Variants in PDE4D observed in about 807,000 individuals in gnomAD.
PDE4D encodes the protein phosphodiesterase 4D.
A neutral mutation model predicts 87.4 loss-of-function variants in PDE4D; 24 were observed. The observed-to-expected ratio is 0.27, with a 90% CI of 0.20 to 0.39. PDE4D has a LOEUF of 0.39. Among genes scored for constraint, PDE4D ranks in the 10% least tolerant of loss-of-function variants. The pLI, the probability that PDE4D is intolerant of heterozygous loss-of-function variation, is 1.00. For synonymous variants in PDE4D, 384 were observed against 383.2 expected, an observed-to-expected ratio of 1.00 and a Z score of -0.02; for missense variants, 714 against 1,041.0, an observed-to-expected ratio of 0.69 and a Z score of 4.32.
intron 1 of PDE4D, among the ~76,000 whole-genome samples, chr5:59,776,845 T>G (rs929115169): frequency 6.6e-6 from 1 of 151,704 alleles, no homozygotes; most frequent in African/African-American, 2.4e-5. Context: ...TTGCCTAATT[T>G]TAATGAATGT....
intron 1 of PDE4D, among the ~76,000 whole-genome samples, chr5:60,480,719 G>A (rs1307108505): frequency 2.0e-5 from 3 of 152,122 alleles, no homozygotes; most frequent in Non-Finnish European, 2.9e-5. Flanking sequence ...GACTGCCTTA[G>A]TTCAAAGACT....
chr5:59,974,682 T>C (rs1335576168), intron 3 of PDE4D, among the ~76,000 whole-genome samples: 1 of 152,198 alleles, frequency 6.6e-6, no homozygotes, highest in East Asian at 1.9e-4. Flanking sequence ...GGACCAATTA[T>C]TGAAAATATT....
In PDE4D at chr5:59,935,646, A is replaced by G. The variant is rs541597631; in HGVS notation, c.272+52842T>C. On this transcript the variant is annotated intron_variant, in intron 3 of 16. Coordinates refer to the PDE4D transcript ENST00000502484. ...GGGTAGATAAAAACAAAAATAGCAAAAAATCTTTAAGTCACTATTGCTAAA... is the reference window on the plus strand; with the variant it reads ...GGGTAGATAAAAACAAAAATAGCAAGAAATCTTTAAGTCACTATTGCTAAA... Among the ~76,000 whole-genome samples the G allele has an allele frequency of 1.3e-4, 20 of 152,288 alleles. No individual in the cohort carries two copies. In the East Asian group the frequency reaches 3.9e-3, roughly 29 times the overall value.
chr5:59,858,241 C>A (rs571566451), intron 1 of PDE4D, among the ~76,000 whole-genome samples: 14 of 152,014 alleles, frequency 9.2e-5, no homozygotes, highest in Non-Finnish European at 1.3e-4. Flanking sequence ...ACCTGGCATT[C>A]CTACTTGATG....
intron 1 of PDE4D, among the ~76,000 whole-genome samples, chr5:60,515,384 C>T (rs1208866188): frequency 1.3e-5 from 2 of 151,966 alleles, no homozygotes; most frequent in South Asian, 2.1e-4. Context: ...TCTTTCTATC[C>T]ATGCATAATT....
intron 2 of PDE4D, among the ~76,000 whole-genome samples, chr5:60,069,874 A>C (rs1772520292): frequency 1.3e-5 from 2 of 152,068 alleles, no homozygotes; most frequent in Non-Finnish European, 2.9e-5. Flanking sequence ...TTTTTAATAC[A>C]CAAATCTTTC....
chr5:59,065,067 TACACACAC>T (rs10563874), intron 5 of PDE4D, among the ~76,000 whole-genome samples: 2,646 of 89,266 alleles, frequency 0.03, 117 homozygotes, highest in African/African-American at 0.049. Flanking sequence ...GATATATATA[TACACACAC>T]ACACACACAC....
At chr5:59,573,361 T>C (rs544758388) in intron 1 of PDE4D, among the ~76,000 whole-genome samples, 1 of 152,252 alleles carries the variant, frequency 6.6e-6, no homozygotes, top group South Asian at 2.1e-4. Context: ...TTACTTCAGG[T>C]ACTCCTGAGG....
At chr5:60,351,359 C>T (rs1337936021) in intron 1 of PDE4D, among the ~76,000 whole-genome samples, 1 of 152,130 alleles carries the variant, frequency 6.6e-6, no homozygotes, top group Non-Finnish European at 1.5e-5. Context: ...CCTAAATTTA[C>T]AGGCTCCCTT....
intron 1 of PDE4D, among the ~76,000 whole-genome samples, chr5:59,656,686 G>A (rs770254232): frequency 6.6e-5 from 10 of 152,140 alleles, no homozygotes; most frequent in South Asian, 2.1e-4. Context: ...ACTTTGAAAC[G>A]TCAGCATATT....
At chr5:59,972,534 G>C (rs1760896147) in intron 3 of PDE4D, among the ~76,000 whole-genome samples, 1 of 152,216 alleles carries the variant, frequency 6.6e-6, no homozygotes, top group Admixed American at 6.5e-5. Context: ...ATACTTTTCT[G>C]TCCCAGTGCT....
At chr5:60,411,804 T>A (rs1293498169) in intron 1 of PDE4D, among the ~76,000 whole-genome samples, 2 of 152,116 alleles carry the variant, frequency 1.3e-5, no homozygotes, top group Non-Finnish European at 2.9e-5. Context: ...TATGATCCAA[T>A]GGTGTTCCCC....
At chr5:59,116,065 T>C (rs1773558709) in intron 5 of PDE4D, among the ~76,000 whole-genome samples, 1 of 152,140 alleles carries the variant, frequency 6.6e-6, no homozygotes, top group South Asian at 2.1e-4. Flanking sequence ...AATAAATATA[T>C]ATAGTAAATA....
At chr5:59,255,541 T>C (rs1030078932) in intron 1 of PDE4D, among the ~76,000 whole-genome samples, 1 of 152,066 alleles carries the variant, frequency 6.6e-6, no homozygotes, top group South Asian at 2.1e-4. Context: ...TGTGTGAATA[T>C]ACTAAAAATC....
At chr5:60,337,418 C>A (rs562277565) in intron 1 of PDE4D, among the ~76,000 whole-genome samples, 1 of 116,580 alleles carries the variant, frequency 8.6e-6, no homozygotes, top group African/African-American at 3.0e-5. Flanking sequence ...TATATCAATT[C>A]ATAGATCAGT....
At position 59,382,459 on chromosome 5, in the gene PDE4D, T is replaced by G. The variant is rs182476525; in HGVS notation, c.456-166491A>C. Among the ~76,000 whole-genome samples, 17 of 152,332 alleles carry G rather than the reference T, an allele frequency of 1.1e-4. No homozygotes were observed. The East Asian group carries it at 3.3e-3, about 29-fold the overall frequency. ...ATCTCAAATCAGAGGATATTTTATTTTTTTCTAGTAAATTTGGCAAAATTG... is the reference window on the plus strand; with the variant it reads ...ATCTCAAATCAGAGGATATTTTATTGTTTTCTAGTAAATTTGGCAAAATTG... On this transcript the variant is annotated intron_variant, in intron 1 of 14. Coordinates refer to ENST00000340635, the MANE Select transcript of PDE4D (RefSeq NM_001104631.2).
intron 1 of PDE4D, among the ~76,000 whole-genome samples, chr5:59,470,691 TAATTA>T (rs1263404482): frequency 6.6e-6 from 1 of 152,206 alleles, no homozygotes; most frequent in African/African-American, 2.4e-5. Flanking sequence ...GGAAATATTT[TAATTA>T]ATTTATAATA....
intron 1 of PDE4D, among the ~76,000 whole-genome samples, chr5:59,754,012 A>G (rs1029945653): frequency 2.0e-5 from 3 of 152,144 alleles, no homozygotes; most frequent in African/African-American, 7.2e-5. Flanking sequence ...TCAACAGTGT[A>G]AAATGAGGAG....
At chr5:59,146,472 G>A (rs1487057507) in intron 5 of PDE4D, among the ~76,000 whole-genome samples, 1 of 152,044 alleles carries the variant, frequency 6.6e-6, no homozygotes, top group East Asian at 1.9e-4. Context: ...TACAGGCAAG[G>A]TATGATGGAA....
Sources: allele counts gnomAD v4.1 joint callset (sites outside exome capture counted in the v4.1 genomes callset), GRCh38; gene constraint gnomAD v4.1.1; transcripts MANE v1.5; gene names NCBI Gene and HGNC (gene_info 2026-07-23, HGNC 2026-07-21).